Variants in NPAS3 observed in about 807,000 individuals in gnomAD.
NPAS3 encodes the protein neuronal PAS domain-containing protein 3.
NPAS3 carries 14 observed loss-of-function variants against 73.1 expected under a neutral mutation model. The ratio of observed to expected loss-of-function variants is 0.19; its 90% CI spans 0.13 to 0.30. NPAS3 has a LOEUF of 0.30. NPAS3 is among the 10% of genes least tolerant of loss of function. NPAS3 has a pLI of 1.00. For synonymous variants in NPAS3, 620 were observed against 541.5 expected (o/e 1.14, Z -2.01); for missense variants, 1,096 against 1,250.0 (o/e 0.88, Z 1.86).
At chr14:33,547,027 G>A (rs1174318091) in intron 4 of NPAS3, among the ~76,000 whole-genome samples, 1 of 152,198 alleles carries the variant, frequency 6.6e-6, no homozygotes, top group African/African-American at 2.4e-5. Flanking sequence ...AGCAGCAAAT[G>A]TCTTAAGCAA....
chr14:33,197,266 T>TGTTC (rs1287592593), intron 2 of NPAS3, among the ~76,000 whole-genome samples: 2 of 150,030 alleles, frequency 1.3e-5, no homozygotes, highest in Non-Finnish European at 3.0e-5. Context: ...TGTGTGTGTG[T>TGTTC]GTTCTTTTTC....
intron 3 of NPAS3, among the ~76,000 whole-genome samples, chr14:33,331,530 GT>G (rs2140277831): frequency 6.6e-6 from 1 of 151,940 alleles, no homozygotes; most frequent in South Asian, 2.1e-4. Flanking sequence ...TTTTTTTCCT[GT>G]TGTTTATCTC....
At chr14:33,464,573 C>A (rs1175895979) in intron 4 of NPAS3, among the ~76,000 whole-genome samples, 1 of 152,190 alleles carries the variant, frequency 6.6e-6, no homozygotes, top group African/African-American at 2.4e-5. Flanking sequence ...CGGTCCCTGA[C>A]CCTCTGATTC....
chr14:33,746,292 G>A (rs182736550), intron 7 of NPAS3, among the ~76,000 whole-genome samples: 2,791 of 151,584 alleles, frequency 0.018, 38 homozygotes, highest in Middle Eastern at 0.044. Flanking sequence ...GGGTTCAAGC[G>A]ATTCTCCTGC....
intron 1 of NPAS3, among the ~76,000 whole-genome samples, chr14:32,968,061 A>G (rs995770882): frequency 3.9e-5 from 6 of 152,100 alleles, no homozygotes; most frequent in Non-Finnish European, 7.4e-5. Context: ...AGAGTAGAAT[A>G]GTGGTTACCA....
intron 2 of NPAS3, among the ~76,000 whole-genome samples, chr14:33,153,773 A>G (rs1173918373): frequency 6.6e-6 from 1 of 152,128 alleles, no homozygotes; most frequent in Admixed American, 6.6e-5. Context: ...TGGTACTCCG[A>G]GTCCTAAACC....
chr14:33,664,047 G>A (rs1220242450), intron 5 of NPAS3, among the ~76,000 whole-genome samples: 1 of 151,426 alleles, frequency 6.6e-6, no homozygotes, highest in Non-Finnish European at 1.5e-5. Flanking sequence ...CCAAAAAAGA[G>A]CCTTCATAGC....
chr14:33,784,745 A>ATTTATTTATTTTTTTTTTTTTTTTT (rs1471526546), intron 9 of NPAS3, among the ~76,000 whole-genome samples: 1 of 73,840 alleles, frequency 1.4e-5, no homozygotes, highest in African/African-American at 6.3e-5. Flanking sequence ...TTATTTATTT[A>ATTTATTTATTTTTTTTTTTTTTTTT]TTTTTTTTTT....
At chr14:33,283,652 G>T (rs772195162) in intron 3 of NPAS3, among the ~76,000 whole-genome samples, 1 of 152,190 alleles carries the variant, frequency 6.6e-6, no homozygotes, top group Non-Finnish European at 1.5e-5. Context: ...ATACTAGACT[G>T]TATCATTTTG....
intron 5 of NPAS3, among the ~76,000 whole-genome samples, chr14:33,573,001 G>C (rs1428057564): frequency 8.1e-6 from 1 of 124,210 alleles, no homozygotes; most frequent in East Asian, 2.7e-4. Context: ...CCAGCCTGGA[G>C]ACAGAGTGAG....
intron 3 of NPAS3, among the ~76,000 whole-genome samples, chr14:33,251,887 T>C (rs189081797): frequency 1.3e-5 from 2 of 152,124 alleles, no homozygotes; most frequent in African/African-American, 2.4e-5. Context: ...CTTTCTCTTT[T>C]TTTTAGAGGG....
chr14:33,246,553 A>AG (rs2048389045), intron 3 of NPAS3, among the ~76,000 whole-genome samples: 3 of 150,344 alleles, frequency 2.0e-5, no homozygotes, highest in African/African-American at 7.4e-5. Flanking sequence ...AAAAAAAAAA[A>AG]AAAAGAAGAA....
intron 5 of NPAS3, among the ~76,000 whole-genome samples, chr14:33,576,368 G>A (rs780513897): frequency 1.3e-5 from 2 of 152,068 alleles, no homozygotes; most frequent in African/African-American, 4.8e-5. Context: ...CCCAAACTAC[G>A]GACTGTAATT....
At chr14:33,649,984 A>G (rs2058944100) in intron 5 of NPAS3, among the ~76,000 whole-genome samples, 1 of 152,188 alleles carries the variant, frequency 6.6e-6, no homozygotes, top group South Asian at 2.1e-4. Context: ...TTCAGACTTT[A>G]ACAGGAGAGG....
rs1232866435 is a variant in NPAS3, at chr14:33,301,306, T to TTATATATATATATA, written c.386-65876_386-65863dup. ...TCTAAACCCCACCTAGGTTTTATCATTATATATATATATATATTTTTTTTT... is the reference window on the plus strand; with the variant it reads ...TCTAAACCCCACCTAGGTTTTATCATTATATATATATATATATATATATATATATATTTTTTTTT... On this transcript the variant is annotated intron_variant, in intron 3 of 11. Transcript: ENST00000356141. Among the ~76,000 whole-genome samples the TTATATATATATATA allele has an allele frequency of 1.6e-4, 13 of 81,134 alleles. 1 individual carries two copies. The highest frequency in any genetic ancestry group is 2.4e-4 in the Admixed American group (2 of 8,230). The allele number at this position is 81,134 out of a possible 152,430, so 53.2% of individuals were successfully genotyped here.
chr14:33,313,525 C>T (rs544532908), intron 3 of NPAS3, among the ~76,000 whole-genome samples: 1 of 152,162 alleles, frequency 6.6e-6, no homozygotes, highest in South Asian at 2.1e-4. Context: ...TACTGAAGTG[C>T]AAAAGTCTTT....
intron 7 of NPAS3, among the ~76,000 whole-genome samples, chr14:33,740,934 A>G (rs1012222489): frequency 1.3e-5 from 2 of 152,046 alleles, no homozygotes; most frequent in African/African-American, 2.4e-5. Flanking sequence ...TTTCTCAGGG[A>G]TTGCTAAGAA....
chr14:33,035,308 T>G (rs1003456687), intron 1 of NPAS3, among the ~76,000 whole-genome samples: 7 of 152,140 alleles, frequency 4.6e-5, no homozygotes, highest in Admixed American at 1.3e-4. Flanking sequence ...AGAAGCAGAT[T>G]TTTTTTTATT....
chr14:33,174,023 T>C (rs764502240), intron 2 of NPAS3, among the ~76,000 whole-genome samples: 10 of 152,206 alleles, frequency 6.6e-5, no homozygotes, highest in Non-Finnish European at 1.3e-4. Flanking sequence ...CAAGTTCCTA[T>C]GTGAGGAGGT....
Sources: allele counts gnomAD v4.1 joint callset (sites outside exome capture counted in the v4.1 genomes callset), GRCh38; gene constraint gnomAD v4.1.1; transcripts MANE v1.5; gene names NCBI Gene and HGNC (gene_info 2026-07-23, HGNC 2026-07-21).